KLHL28: variants seen among roughly 807,000 people sequenced by gnomAD.
The protein encoded by KLHL28 is kelch-like protein 28.
A neutral mutation model predicts 48.3 loss-of-function variants in KLHL28; 22 were observed. That is an observed-to-expected ratio of 0.46 (90% CI 0.33 to 0.65). The LOEUF (loss-of-function observed/expected upper bound fraction) is 0.65, where lower values mean the gene tolerates loss of function less well. KLHL28 is among the 30% of genes least tolerant of loss of function. The probability of loss-of-function intolerance (pLI) is 0.03; values close to 1 mark genes in which losing one functional copy is unlikely to be tolerated. For missense variants in KLHL28, 527 were observed against 704.3 expected (o/e 0.75, Z 2.85); for synonymous variants, 243 against 242.4 (o/e 1.00, Z -0.02).
intron 2 of KLHL28, among the ~76,000 whole-genome samples, chr14:44,938,496 C>A (rs1176716167): frequency 6.6e-6 from 1 of 152,026 alleles, no homozygotes; most frequent in South Asian, 2.1e-4. Flanking sequence ...CTCAGCCTCC[C>A]GAGTAGCTGG....
Position 44,928,127 on chromosome 14 carries a change from A to C in KLHL28, c.*901T>G, listed in dbSNP as rs1007461115. 6.6e-6 allele frequency: 1 copy of C among 152,628 alleles called. No individual in the cohort carries two copies. The highest frequency in any genetic ancestry group is 1.5e-5 in the Non-Finnish European group (1 of 68,018). 9.5% of individuals were successfully genotyped at this position (152,628 alleles called of 1,614,324 possible). On this transcript the variant is annotated 3_prime_UTR_variant, in exon 5 of 5. Coordinates refer to ENST00000396128, the MANE Select transcript of KLHL28 (RefSeq NM_017658.5). ...CACCATTTTATATCTGAACACTTTGAAAAAGCAAAGATCTTAAAAAACTAA... is the reference window on the plus strand; with the variant it reads ...CACCATTTTATATCTGAACACTTTGCAAAAGCAAAGATCTTAAAAAACTAA...
intron 1 of KLHL28, among the ~76,000 whole-genome samples, chr14:44,952,120 A>G (rs960041242): frequency 1.3e-5 from 2 of 152,132 alleles, no homozygotes; most frequent in African/African-American, 4.8e-5. Flanking sequence ...CTGGACTCCT[A>G]AAGTGTTGGG....
At chr14:44,948,925 A>G (rs1157319512) in intron 1 of KLHL28, among the ~76,000 whole-genome samples, 1 of 152,138 alleles carries the variant, frequency 6.6e-6, no homozygotes, top group East Asian at 1.9e-4. Flanking sequence ...TCTGTAAAAC[A>G]TACCCCTTTC....
chr14:44,934,270 T>C lies in KLHL28; in HGVS notation c.1188A>G (p.Gly396=), dbSNP rs368953046. The C allele has an allele frequency of 6.8e-6, 11 of 1,614,054 alleles. No homozygotes were observed. Among genetic ancestry groups the C allele is most frequent in the Admixed American group, 1.7e-5 (1 of 59,988 alleles). ...GELYALGGYD[G]QSYLQSVEKY... ...TCTCTACAGATTGTAAATAAGATTG[T>C]CCATCATAACCACCTAAGGCATAAA... The change falls in exon 3 of 5, where the codon GGA becomes GGG. Residue 396 remains glycine, a synonymous_variant. Transcript: ENST00000396128.
At chr14:44,961,003 A>T (rs1468710528) in intron 1 of KLHL28, 2 of 828,610 alleles carry the variant, frequency 2.4e-6, no homozygotes, top group African/African-American at 1.7e-5. Context: ...TTCCTTCAAA[A>T]AAAAAAAATA....
At chr14:44,950,254 G>A (rs1437165163) in intron 1 of KLHL28, among the ~76,000 whole-genome samples, 3 of 152,078 alleles carry the variant, frequency 2.0e-5, no homozygotes, top group Non-Finnish European at 2.9e-5. Context: ...TGTCCCTTGA[G>A]AAGTAGTCAA....
chr14:44,944,718 C>G (rs544971215), intron 2 of KLHL28, among the ~76,000 whole-genome samples: 48 of 151,400 alleles, frequency 3.2e-4, no homozygotes, highest in Admixed American at 2.9e-3. Flanking sequence ...TGGTCTGACT[C>G]AAATAAACAT....
At position 44,945,515 on chromosome 14, in the gene KLHL28, A is replaced by G. The variant is rs778152625; in HGVS notation, c.414T>C (p.Ile138=). The G allele has an allele frequency of 6.2e-7, 1 of 1,614,230 alleles. No homozygotes were observed. The highest frequency in any genetic ancestry group is 1.1e-5 in the South Asian group (1 of 91,082). ...LESQLDPGNC[I]GISRFAETYG... is the part of the protein sequence containing the mutation. ...ATGTTTCTGCAAAACGAGAAATTCCAATACAATTACCAGGATCAAGTTGGC... is the reference window on the plus strand; with the variant it reads ...ATGTTTCTGCAAAACGAGAAATTCCGATACAATTACCAGGATCAAGTTGGC... The change falls in exon 2 of 5, where the codon ATT becomes ATC. Residue 138 remains isoleucine, a synonymous_variant. Coordinates refer to ENST00000396128, the MANE Select transcript of KLHL28 (RefSeq NM_017658.5).
intron 2 of KLHL28, among the ~76,000 whole-genome samples, chr14:44,939,491 T>A (rs966084194): frequency 1.3e-5 from 2 of 152,226 alleles, no homozygotes; most frequent in South Asian, 2.1e-4. Context: ...ATTCCATTTT[T>A]AAATCATTTC....
chr14:44,937,440 C>T (rs891590554), intron 2 of KLHL28, among the ~76,000 whole-genome samples: 1 of 152,028 alleles, frequency 6.6e-6, no homozygotes, highest in African/African-American at 2.4e-5. Context: ...ATCCACTGTG[C>T]CCGGCCCAGA....
Position 44,929,093 on chromosome 14 carries a change from C to T in KLHL28, c.1651G>A (p.Asp551Asn). 6.2e-7 allele frequency: 1 copy of T among 1,613,942 alleles called. No individual in the cohort carries two copies. The highest frequency in any genetic ancestry group is 8.5e-7 in the Non-Finnish European group (1 of 1,179,960). Residue 551 changes from aspartate (D) to asparagine (N), a missense_variant, in exon 5 of 5, where the codon GAT becomes AAT. Transcript: ENST00000396128. ...NTVQKYDPIS[D>N]TWLDSAGMIY... ...ATGCCAGCTGAATCCAGCCACGTAT[C>T]TGAGATAGGATCATATTTCTGCACT...
intron 2 of KLHL28, among the ~76,000 whole-genome samples, chr14:44,941,628 CAAAAAAAAA>C (rs1247926852): frequency 1.2e-5 from 1 of 81,084 alleles, no homozygotes; most frequent in South Asian, 4.4e-4. Flanking sequence ...AACTCTGTCT[CAAAAAAAAA>C]AAAAAAAAGA....
intron 2 of KLHL28, among the ~76,000 whole-genome samples, chr14:44,939,634 T>C (rs554671824): frequency 1.3e-5 from 2 of 152,194 alleles, no homozygotes; most frequent in African/African-American, 4.8e-5. Flanking sequence ...TGCTAATATA[T>C]AGCAAGGATG....
chr14:44,960,972 C>T, intron 1 of KLHL28: 1 of 1,211,896 alleles, frequency 8.3e-7, no homozygotes, highest in Non-Finnish European at 1.2e-6. Flanking sequence ...TCGCACGAGT[C>T]ATTCAAAAGT....
chr14:44,929,235 G>A (rs1236902105), intron 4 of KLHL28, 44 bp from the exon 5 acceptor site: 3 of 1,487,744 alleles, frequency 2.0e-6, no homozygotes, highest in Non-Finnish European at 2.7e-6. Flanking sequence ...TGTTAACCAT[G>A]AAGTATACTT....
At chr14:44,935,122 T>C (rs1046811500) in intron 2 of KLHL28, among the ~76,000 whole-genome samples, 4 of 152,208 alleles carry the variant, frequency 2.6e-5, no homozygotes, top group African/African-American at 7.2e-5. Flanking sequence ...CCATATCATA[T>C]AAAAGAATAC....
chr14:44,931,545 C>T lies in KLHL28; in HGVS notation c.1344-4G>A, dbSNP rs185149774. On this transcript the variant is annotated splice_region_variant and splice_polypyrimidine_tract_variant and intron_variant, in intron 3 of 4. Coordinates refer to ENST00000396128, the MANE Select transcript of KLHL28 (RefSeq NM_017658.5). Reference sequence around the variant, plus strand: ...ACTTGGATCATAACGCTCCACACTGCAAATATTTAAAAAAAATTTAATTTA... The same window carrying T: ...ACTTGGATCATAACGCTCCACACTGTAAATATTTAAAAAAAATTTAATTTA... 29 of 1,600,562 alleles carry T rather than the reference C, an allele frequency of 1.8e-5. No homozygotes were observed. In the Admixed American group the frequency reaches 3.8e-4, roughly 21 times the overall value.
In KLHL28 at chr14:44,945,764, G is replaced by A; in HGVS notation, c.165C>T (p.Ser55=). 1.2e-6 allele frequency: 2 copies of A among 1,614,088 alleles called. No homozygotes were observed. Among genetic ancestry groups the A allele is most frequent in the South Asian group, 1.1e-5 (1 of 91,082 alleles). The change falls in exon 2 of 5, where the codon AGC becomes AGT. Residue 55 remains serine, a synonymous_variant. Transcript: ENST00000396128. ...KIHAHKVVLA[S]VSPYFKAMFT... ...ACATAGCTTTGAAATACGGGCTGAC[G>A]CTGGCAAGTACCACTTTGTGAGCAT...
At chr14:44,934,704 AAGTC>A in intron 2 of KLHL28, 146 bp from the exon 3 acceptor site, 1 of 585,618 alleles carries the variant, frequency 1.7e-6, no homozygotes, top group Non-Finnish European at 2.9e-6. Flanking sequence ...AAAAAATATA[AAGTC>A]AGATAATAAT....
Sources: allele counts gnomAD v4.1 joint callset (sites outside exome capture counted in the v4.1 genomes callset), GRCh38; gene constraint gnomAD v4.1.1; transcripts MANE v1.5; gene names NCBI Gene and HGNC (gene_info 2026-07-23, HGNC 2026-07-21).